NTRK3: variants seen among roughly 807,000 people sequenced by gnomAD.
The protein encoded by NTRK3 is neurotrophic receptor tyrosine kinase 3.
A neutral mutation model predicts 91.7 loss-of-function variants in NTRK3; 24 were observed. The ratio of observed to expected loss-of-function variants is 0.26; its 90% CI spans 0.19 to 0.37. NTRK3 has a LOEUF of 0.37. Among genes scored for constraint, NTRK3 ranks in the 10% least tolerant of loss-of-function variants. The probability of loss-of-function intolerance (pLI) is 1.00; values close to 1 mark genes in which losing one functional copy is unlikely to be tolerated. For missense variants in NTRK3, 880 were observed against 1,068.9 expected (o/e 0.82, Z 2.46); for synonymous variants, 483 against 404.0 (o/e 1.20, Z -2.34).
rs1484111389 is a variant in NTRK3 at position 87,912,931 on chromosome 15, A to AAAATATAT, written c.2133+16259_2133+16260insATATATTT. Among the ~76,000 whole-genome samples the AAAATATAT allele has an allele frequency of 9.8e-3, 353 of 36,118 alleles. 11 individuals carry two copies. Among genetic ancestry groups the AAAATATAT allele is most frequent in the Middle Eastern group, 0.021 (1 of 48 alleles). The allele number at this position is 36,118 out of a possible 152,430, so 23.7% of individuals were successfully genotyped here. On this transcript the variant is annotated intron_variant, in intron 17 of 18. Coordinates refer to ENST00000394480, the Ensembl canonical transcript of NTRK3. ...TTCAACTTTTCAAAAAGTAAAAAAA[A>AAAATATAT]ATATATATATATATATATATATATA... is the stretch of plus-strand genomic sequence containing the variant.
intron 3 of NTRK3, among the ~76,000 whole-genome samples, chr15:88,253,665 G>A (rs1209360957): frequency 6.6e-6 from 1 of 152,196 alleles, no homozygotes; most frequent in Admixed American, 6.5e-5. Context: ...GCTCCTGTGG[G>A]AATCCATTTC....
At chr15:87,982,456 TCTGAC>T (rs1246541965) in intron 14 of NTRK3, among the ~76,000 whole-genome samples, 1 of 151,624 alleles carries the variant, frequency 6.6e-6, no homozygotes, top group Non-Finnish European at 1.5e-5. Context: ...CCCCGCTACA[TCTGAC>T]CTTTTCCTCT....
intron 13 of NTRK3, among the ~76,000 whole-genome samples, chr15:88,047,299 A>T (rs1166270582): frequency 6.6e-6 from 1 of 152,134 alleles, no homozygotes. Context: ...TATTTCCATG[A>T]GTGATGTATA....
At chr15:88,147,975 T>C (rs1200628222) in intron 5 of NTRK3, among the ~76,000 whole-genome samples, 1 of 152,208 alleles carries the variant, frequency 6.6e-6, no homozygotes, top group Non-Finnish European at 1.5e-5. Flanking sequence ...ATTAGTCTTC[T>C]GGATAAAAGA....
chr15:88,223,298 C>T (rs74027908), intron 3 of NTRK3, among the ~76,000 whole-genome samples: 2 of 152,196 alleles, frequency 1.3e-5, no homozygotes, highest in East Asian at 1.9e-4. Flanking sequence ...TGTCACCAGG[C>T]GTGAGTGCTG....
At chr15:88,056,204 T>TATA (rs377120482) in intron 13 of NTRK3, among the ~76,000 whole-genome samples, 7,948 of 94,952 alleles carry the variant, frequency 0.084, 347 homozygotes, top group Middle Eastern at 0.11. Flanking sequence ...ATATATATAT[T>TATA]TTTTTTTTAA....
Position 88,059,304 on chromosome 15 carries a change from G to A in NTRK3, c.1397-26259C>T, listed in dbSNP as rs117201552. Among the ~76,000 whole-genome samples, 5 of 152,298 alleles carry A rather than the reference G, an allele frequency of 3.3e-5. No homozygotes were observed. The East Asian group carries it at 7.7e-4, about 23-fold the overall frequency. ...TAATCTGTAATTCAGATAGATCAGC[G>A]ATGGCTCTGCTGGGAGACAAGAGTC... On this transcript the variant is annotated intron_variant, in intron 13 of 18. Transcript: ENST00000394480.
chr15:88,104,845 G>C (rs1467565601), intron 13 of NTRK3, among the ~76,000 whole-genome samples: 4 of 152,192 alleles, frequency 2.6e-5, no homozygotes, highest in African/African-American at 9.7e-5. Flanking sequence ...AGGGCTAAGA[G>C]GCCAGAGTCA....
At chr15:88,023,241 C>G (rs1001330034) in intron 14 of NTRK3, among the ~76,000 whole-genome samples, 1 of 152,096 alleles carries the variant, frequency 6.6e-6, no homozygotes, top group African/African-American at 2.4e-5. Flanking sequence ...GCTTGGCTCC[C>G]AAGATATCTC....
intron 18 of NTRK3, 35 bp from the exon 20 acceptor site, chr15:87,877,155 A>G: frequency 1.2e-6 from 2 of 1,609,366 alleles, no homozygotes; most frequent in Non-Finnish European, 1.7e-6. Context: ...AGTTACACCC[A>G]AAGCTCAGCC....
chr15:88,154,504 T>C (rs2043701103), intron 5 of NTRK3, among the ~76,000 whole-genome samples: 1 of 152,240 alleles, frequency 6.6e-6, no homozygotes, highest in Admixed American at 6.5e-5. Flanking sequence ...TTCCCTCAAT[T>C]AAATTGCTGT....
chr15:88,150,425 C>T (rs2043264799), intron 5 of NTRK3, among the ~76,000 whole-genome samples: 1 of 152,158 alleles, frequency 6.6e-6, no homozygotes, highest in Admixed American at 6.5e-5. Flanking sequence ...GCATTATTGC[C>T]TTATTACAAG....
chr15:87,929,062 G>A, intron 17 of NTRK3, 129 bp downstream of exon 17: 1 of 1,365,264 alleles, frequency 7.3e-7, no homozygotes, highest in East Asian at 2.3e-5. Flanking sequence ...GATAACTGTT[G>A]AGTGCATGTC....
At chr15:87,988,662 A>C (rs1335307186) in intron 14 of NTRK3, among the ~76,000 whole-genome samples, 1 of 152,180 alleles carries the variant, frequency 6.6e-6, no homozygotes, top group African/African-American at 2.4e-5. Flanking sequence ...GAAGACGTTG[A>C]TTTTTGTTTA....
chr15:88,128,731 C>T, exon 11 of NTRK3: 1 of 1,613,896 alleles, frequency 6.2e-7, no homozygotes, highest in Non-Finnish European at 8.5e-7. Context: ...GTTATCCGTG[C>T]TCTCTGCAAA....
chr15:88,023,218 C>A (rs1279585155), intron 14 of NTRK3, among the ~76,000 whole-genome samples: 1 of 152,048 alleles, frequency 6.6e-6, no homozygotes, highest in Admixed American at 6.6e-5. Flanking sequence ...GCCCATGGGC[C>A]CAGGACTTAT....
intron 3 of NTRK3, chr15:88,252,966 C>T (rs2053583109): frequency 6.6e-6 from 1 of 152,302 alleles, no homozygotes; most frequent in Non-Finnish European, 1.5e-5. Flanking sequence ...GGAATCACTC[C>T]ACACACCATC....
chr15:88,102,578 T>C (rs1190661696), intron 13 of NTRK3, among the ~76,000 whole-genome samples: 15 of 152,190 alleles, frequency 9.9e-5, no homozygotes. Context: ...CTGATTTGAT[T>C]ATTACATATT....
At chr15:88,063,475 G>A (rs539950941) in intron 13 of NTRK3, among the ~76,000 whole-genome samples, 12 of 152,256 alleles carry the variant, frequency 7.9e-5, no homozygotes, top group African/African-American at 2.6e-4. Flanking sequence ...AGGCCTTTGT[G>A]GACAACCCGT....
Sources: gnomAD v4.1 joint callset for allele counts (sites outside exome capture counted in the v4.1 genomes callset) on GRCh38, gnomAD v4.1.1 for gene constraint, MANE v1.5 for transcripts, NCBI Gene and HGNC (gene_info 2026-07-23, HGNC 2026-07-21) for gene names.